ANXA8: variants seen among roughly 807,000 people sequenced by gnomAD.
ANXA8 encodes the protein annexin A8, also known as VAC-beta.
ANXA8 carries 9 observed loss-of-function variants against 26.8 expected under a neutral mutation model. That is an observed-to-expected ratio of 0.34 (90% CI 0.20 to 0.59). The LOEUF is 0.59. Ranked by LOEUF, ANXA8 falls within the 20% of genes least tolerant of loss-of-function variation. The pLI is 0.84. For synonymous variants in ANXA8, 39 were observed against 94.8 expected, an observed-to-expected ratio of 0.41 and a Z score of 3.42; for missense variants, 83 against 238.5, an observed-to-expected ratio of 0.35 and a Z score of 4.29.
At chr10:47,673,660 T>C in the ANXA8 span, among the ~76,000 whole-genome samples, 2 of 151,876 alleles carry the variant, frequency 1.3e-5, no homozygotes, top group Non-Finnish European at 2.9e-5. Context: ...ACAGCTTTTT[T>C]TTCTTTCTTT....
chr10:47,703,212 A>G, the ANXA8 span, among the ~76,000 whole-genome samples: 731 of 151,926 alleles, frequency 4.8e-3, 14 homozygotes, highest in African/African-American at 0.016. Flanking sequence ...CCAGAGGGGA[A>G]GAGAGAGCTC....
chr10:47,544,688 CTTA>C, the ANXA8 span, among the ~76,000 whole-genome samples: 1 of 123,448 alleles, frequency 8.1e-6, no homozygotes, highest in Admixed American at 8.2e-5. Context: ...TCTTTCAGGA[CTTA>C]TTAGAACCAC....
the ANXA8 span, among the ~76,000 whole-genome samples, chr10:47,648,246 G>C: frequency 6.6e-6 from 1 of 151,782 alleles, no homozygotes; most frequent in African/African-American, 2.4e-5. Context: ...ATAGCAGAAC[G>C]TAGCAGGATC....
the ANXA8 span, chr10:47,538,669 G>T: frequency 7.3e-6 from 1 of 136,980 alleles, no homozygotes; most frequent in Non-Finnish European, 1.5e-5. Flanking sequence ...TTTTTTTGTA[G>T]AGATGAAATC....
At chr10:47,491,473 G>C in the ANXA8 span, 2 of 607,390 alleles carry the variant, frequency 3.3e-6, no homozygotes, top group Non-Finnish European at 5.5e-6. Flanking sequence ...GGTAGAGCAG[G>C]AGACCAGGGT....
At chr10:47,934,369 C>CTT in the ANXA8 span, 7 of 73,698 alleles carry the variant, frequency 9.5e-5, no homozygotes, top group African/African-American at 3.1e-4. Flanking sequence ...CAGTATGTAG[C>CTT]TTTAAAACAG....
chr10:47,894,971 A>T, the ANXA8 span, among the ~76,000 whole-genome samples: 1 of 152,010 alleles, frequency 6.6e-6, no homozygotes, highest in Admixed American at 6.6e-5. Flanking sequence ...CACACCACAC[A>T]TACCACACAC....
chr10:47,757,892 T>C, the ANXA8 span: 1 of 1,517,194 alleles, frequency 6.6e-7, no homozygotes, highest in South Asian at 1.3e-5. Context: ...TGATGCTCAG[T>C]GGCATAGGCA....
chr10:47,940,596 G>A, the ANXA8 span, among the ~76,000 whole-genome samples: 5 of 147,496 alleles, frequency 3.4e-5, no homozygotes, highest in East Asian at 2.1e-4. Flanking sequence ...TTGGGAGGCC[G>A]AGGAGGGTGG....
intron 9 of ANXA8, 78 bp downstream of exon 9, chr10:47,473,892 T>A: frequency 3.0e-6 from 1 of 337,742 alleles, no homozygotes; most frequent in South Asian, 2.4e-5. Context: ...TGTGGTCGCA[T>A]CCCTAGGCCC....
chr10:47,540,477 GT>G, the ANXA8 span, among the ~76,000 whole-genome samples: 1 of 125,128 alleles, frequency 8.0e-6, no homozygotes, highest in Non-Finnish European at 1.7e-5. Context: ...CAAAAGGGAA[GT>G]TAGGGTTTTA....
At chr10:47,666,039 A>G in the ANXA8 span, among the ~76,000 whole-genome samples, 1 of 151,506 alleles carries the variant, frequency 6.6e-6, no homozygotes, top group African/African-American at 2.4e-5. Flanking sequence ...AAAAGTATAA[A>G]AACTACTGAG....
the ANXA8 span, among the ~76,000 whole-genome samples, chr10:47,967,881 GT>G: frequency 7.8e-6 from 1 of 128,384 alleles, no homozygotes; most frequent in Non-Finnish European, 1.7e-5. Context: ...TAGCTTCAGA[GT>G]AAACTAACTT....
chr10:47,495,659 A>AGAG, the ANXA8 span, among the ~76,000 whole-genome samples: 18,143 of 120,274 alleles, frequency 0.15, 1,472 homozygotes, highest in South Asian at 0.22. Flanking sequence ...CTGAGGAGGA[A>AGAG]GAGGAGGAGG....
the ANXA8 span, among the ~76,000 whole-genome samples, chr10:47,974,775 C>T: frequency 6.7e-6 from 1 of 148,978 alleles, no homozygotes; most frequent in Non-Finnish European, 1.5e-5. Context: ...GGTATAATTT[C>T]AATTTTTTAA....
the ANXA8 span, among the ~76,000 whole-genome samples, chr10:47,529,492 C>T: frequency 7.4e-6 from 1 of 134,386 alleles, no homozygotes; most frequent in African/African-American, 2.8e-5. Flanking sequence ...CTTGCGATAT[C>T]TTAATGAATA....
the ANXA8 span, among the ~76,000 whole-genome samples, chr10:47,576,657 A>G: frequency 6.6e-6 from 1 of 150,710 alleles, no homozygotes; most frequent in Admixed American, 6.6e-5. Flanking sequence ...CACCAGGACT[A>G]TAGCACATAC....
chr10:47,580,629 G>T, the ANXA8 span, among the ~76,000 whole-genome samples: 1 of 150,586 alleles, frequency 6.6e-6, no homozygotes. Flanking sequence ...TGTAGCCCCA[G>T]CTACTCAGGA....
the ANXA8 span, among the ~76,000 whole-genome samples, chr10:47,580,773 AAAAC>A: frequency 3.3e-5 from 5 of 149,496 alleles, no homozygotes; most frequent in South Asian, 6.3e-4. Flanking sequence ...AAACAAAAAC[AAAAC>A]AAACAAAAAA....
Sources: gnomAD v4.1 joint callset for allele counts (sites outside exome capture counted in the v4.1 genomes callset) on GRCh38, gnomAD v4.1.1 for gene constraint, MANE v1.5 for transcripts, NCBI Gene and HGNC (gene_info 2026-07-23, HGNC 2026-07-21) for gene names.